TBC1D15: variants seen among roughly 807,000 people sequenced by gnomAD.
The protein encoded by TBC1D15 is TBC1 domain family member 15.
Under a neutral mutation model 95.4 loss-of-function variants are expected in TBC1D15, and 39 were observed. The observed-to-expected ratio is 0.41, with a 90% CI of 0.32 to 0.53. TBC1D15 has a LOEUF of 0.53. Among genes scored for constraint, TBC1D15 ranks in the 20% least tolerant of loss-of-function variants. The pLI is 0.29. For synonymous variants in TBC1D15, 258 were observed against 261.3 expected, an observed-to-expected ratio of 0.99 and a Z score of 0.12; for missense variants, 733 against 794.3, an observed-to-expected ratio of 0.92 and a Z score of 0.93.
intron 6 of TBC1D15, 118 bp from the exon 7 acceptor site, chr12:71,894,568 C>T: frequency 9.1e-7 from 1 of 1,101,278 alleles, no homozygotes; most frequent in Non-Finnish European, 1.3e-6. Flanking sequence ...TCTTAGAACA[C>T]TCTGTTTTAG....
chr12:71,885,034 T>C lies in TBC1D15; in HGVS notation c.554+13T>C, dbSNP rs369961626. The stretch of plus-strand genomic sequence containing the variant: ...TGGTATTGTGTGAGTAAGTATCATA[T>C]TATTTTCTACTTATTGAAACCAGAT... On this transcript the variant is annotated intron_variant, in intron 5 of 16. Transcript: ENST00000485960. 21 of 1,611,130 alleles carry C rather than the reference T, an allele frequency of 1.3e-5. No individual in the cohort carries two copies. The highest frequency in any genetic ancestry group is 4.5e-5 in the East Asian group (2 of 44,830).
At chr12:71,886,653 T>C (rs1896290321) in intron 5 of TBC1D15, among the ~76,000 whole-genome samples, 2 of 152,220 alleles carry the variant, frequency 1.3e-5, no homozygotes, top group African/African-American at 4.8e-5. Context: ...CACCTCTAGC[T>C]GGCAACAGGC....
intron 8 of TBC1D15, 41 bp downstream of exon 8, chr12:71,896,116 T>TA: frequency 6.5e-7 from 1 of 1,532,368 alleles, no homozygotes; most frequent in Non-Finnish European, 8.8e-7. Flanking sequence ...TATAAACTCC[T>TA]AGTATTTAGG....
intron 1 of TBC1D15, among the ~76,000 whole-genome samples, chr12:71,864,264 T>A (rs979790119): frequency 6.6e-6 from 1 of 152,004 alleles, no homozygotes; most frequent in African/African-American, 2.4e-5. Flanking sequence ...CAGATGGGGT[T>A]TCACCATGTT....
chr12:71,914,516 G>A (rs1443372576), intron 12 of TBC1D15, among the ~76,000 whole-genome samples: 1 of 151,914 alleles, frequency 6.6e-6, no homozygotes, highest in Non-Finnish European at 1.5e-5. Context: ...AGAGTTCTAG[G>A]ATAATAGTGC....
At chr12:71,879,118 C>G (rs1487006346) in intron 3 of TBC1D15, among the ~76,000 whole-genome samples, 1 of 150,806 alleles carries the variant, frequency 6.6e-6, no homozygotes, top group East Asian at 1.9e-4. Context: ...TTTTCCCTTA[C>G]CTGTCTCTCT....
intron 1 of TBC1D15, among the ~76,000 whole-genome samples, chr12:71,858,762 G>A (rs148455372): frequency 2.0e-5 from 3 of 151,726 alleles, no homozygotes; most frequent in African/African-American, 7.3e-5. Context: ...TCACCATGTT[G>A]CCCAGGCTGG....
rs143460381 is a variant in TBC1D15, at chr12:71,880,493, A to T, written c.229A>T (p.Thr77Ser). The T allele has an allele frequency of 2.9e-5, 47 of 1,604,874 alleles. No homozygotes were observed. The highest frequency in any genetic ancestry group is 3.9e-5 in the Non-Finnish European group (46 of 1,174,646). Residue 77 changes from threonine to serine, a missense_variant, in exon 4 of 17, where the codon ACT (threonine) becomes TCT (serine). By Grantham distance (58) the Thr-to-Ser change is moderately conservative. Transcript: ENST00000485960. ...GGACTCCAGTTCAGTTGTAGAATGG[A>T]CTCAGGCCCCAAAAGAAAGAGGTCA... is the stretch of plus-strand genomic sequence containing the variant. ...RKDSSSVVEW[T>S]QAPKERGHRG...
chr12:71,921,811 GA>G (rs1368638388), intron 16 of TBC1D15, among the ~76,000 whole-genome samples: 1 of 152,124 alleles, frequency 6.6e-6, no homozygotes, highest in Non-Finnish European at 1.5e-5. Context: ...ATGCTAATCA[GA>G]AATAATTAAA....
chr12:71,846,625 T>C (rs563891750), intron 1 of TBC1D15, among the ~76,000 whole-genome samples: 1 of 151,600 alleles, frequency 6.6e-6, no homozygotes, highest in South Asian at 2.1e-4. Context: ...TGATTGTTAA[T>C]TTTTTTTTGA....
rs74565002 is a variant in TBC1D15, at chr12:71,846,798, G to A, written c.30+6987G>A. On this transcript the variant is annotated intron_variant, in intron 1 of 16. Transcript: ENST00000485960. ...TTGCCCTGAGACATGGCCTTGGTCC[G>A]TGGCCCAGGCTAGAGTGTAGTGTGT... 7.9e-4 allele frequency among the ~76,000 whole-genome samples: 105 copies of A among 132,484 alleles called. 1 individual carries two copies. The East Asian group carries it at 0.023, about 29-fold the overall frequency. 86.9% of individuals were successfully genotyped at this position (132,484 alleles called of 152,430 possible).
chr12:71,853,357 T>C (rs150928070), intron 1 of TBC1D15, among the ~76,000 whole-genome samples: 1 of 152,126 alleles, frequency 6.6e-6, no homozygotes, highest in African/African-American at 2.4e-5. Flanking sequence ...GCCTCCAACA[T>C]TGGGGATTAC....
At chr12:71,857,207 C>G (rs2138050820) in intron 1 of TBC1D15, among the ~76,000 whole-genome samples, 1 of 152,158 alleles carries the variant, frequency 6.6e-6, no homozygotes. Flanking sequence ...GCCTTGGCCT[C>G]CCAGTGTCCT....
At chr12:71,843,752 A>G (rs995163173) in intron 1 of TBC1D15, among the ~76,000 whole-genome samples, 34 of 151,956 alleles carry the variant, frequency 2.2e-4, no homozygotes, top group African/African-American at 8.0e-4. Flanking sequence ...ATCTCCTCCA[A>G]CTCTTAAATT....
At chr12:71,877,629 A>T (rs781412134) in intron 3 of TBC1D15, among the ~76,000 whole-genome samples, 1 of 144,266 alleles carries the variant, frequency 6.9e-6, no homozygotes, top group African/African-American at 2.6e-5. Context: ...TCACTTTTCT[A>T]TTGCCTTTTT....
At chr12:71,908,231 G>A (rs1212258854) in intron 11 of TBC1D15, among the ~76,000 whole-genome samples, 1 of 152,082 alleles carries the variant, frequency 6.6e-6, no homozygotes, top group Non-Finnish European at 1.5e-5. Context: ...GGGGAGGGAC[G>A]CTAAGGGGTA....
chr12:71,847,797 A>G (rs1886711359), intron 1 of TBC1D15, among the ~76,000 whole-genome samples: 1 of 151,804 alleles, frequency 6.6e-6, no homozygotes, highest in Admixed American at 6.6e-5. Flanking sequence ...TTTGACTGTT[A>G]CAAATAAAGC....
chr12:71,898,051 A>T (rs565015261), intron 10 of TBC1D15, 110 bp downstream of exon 10: 2 of 751,488 alleles, frequency 2.7e-6, no homozygotes, highest in African/African-American at 3.5e-5. Context: ...CAAAAGAGAA[A>T]TCAGAATAGG....
At chr12:71,845,577 T>A (rs527919804) in intron 1 of TBC1D15, among the ~76,000 whole-genome samples, 1 of 152,360 alleles carries the variant, frequency 6.6e-6, no homozygotes, top group Non-Finnish European at 1.5e-5. Flanking sequence ...GGTGCTTAGA[T>A]ATTTGGGTGT....
Sources: gnomAD v4.1 joint callset for allele counts (sites outside exome capture counted in the v4.1 genomes callset) on GRCh38, gnomAD v4.1.1 for gene constraint, MANE v1.5 for transcripts, NCBI Gene and HGNC (gene_info 2026-07-23, HGNC 2026-07-21) for gene names.